CRACR2A: variants seen among roughly 807,000 people sequenced by gnomAD.
CRACR2A encodes EF-hand calcium-binding domain-containing protein 4B.
Under a neutral mutation model 90.5 loss-of-function variants are expected in CRACR2A, and 79 were observed. The ratio of observed to expected loss-of-function variants is 0.87; its 90% CI spans 0.73 to 1.05. The LOEUF (loss-of-function observed/expected upper bound fraction) is 1.05. Ranked by LOEUF, CRACR2A falls within the 50% of genes least tolerant of loss-of-function variation. CRACR2A has a pLI of 0.00. For missense variants in CRACR2A, 823 were observed against 897.2 expected (o/e 0.92, Z 1.06); for synonymous variants, 338 against 356.7 (o/e 0.95, Z 0.59).
rs1465524868 is a variant in CRACR2A, at chr12:3,638,191, G to A, written c.1535C>T (p.Ala512Val). 3 of 1,551,288 alleles carry A rather than the reference G, an allele frequency of 1.9e-6. No homozygotes were observed. Among genetic ancestry groups the A allele is most frequent in the South Asian group, 1.2e-5 (1 of 84,054 alleles). The change falls in exon 14 of 20, where the codon GCC becomes GTC. Residue 512 changes from alanine to valine, a missense_variant. Coordinates refer to ENST00000440314, the MANE Select transcript of CRACR2A (RefSeq NM_001144958.2). ...DQGVQGQIPE[A>V]PPLKLTPTSP... The stretch of plus-strand genomic sequence containing the variant: ...TGTGGGGGTGAGTTTCAAGGGTGGG[G>A]CCTCCGGGATTTGTCCCTGTACCCC...
chr12:3,639,092 G>A (rs1192477333), intron 13 of CRACR2A, among the ~76,000 whole-genome samples: 1 of 152,088 alleles, frequency 6.6e-6, no homozygotes, highest in Non-Finnish European at 1.5e-5. Flanking sequence ...CTTTGGGAGG[G>A]CCCCCCACCT....
At chr12:3,681,596 G>A (rs1183211987) in intron 4 of CRACR2A, among the ~76,000 whole-genome samples, 13 of 152,200 alleles carry the variant, frequency 8.5e-5, no homozygotes, top group African/African-American at 2.7e-4. Context: ...TATCTCAGCC[G>A]ATCCTCTCCC....
intron 1 of CRACR2A, among the ~76,000 whole-genome samples, chr12:3,744,569 G>C (rs1387852827): frequency 6.6e-6 from 1 of 152,212 alleles, no homozygotes; most frequent in Non-Finnish European, 1.5e-5. Context: ...AAGGGTGGGT[G>C]ATCATACTAC....
intron 3 of CRACR2A, among the ~76,000 whole-genome samples, chr12:3,708,627 G>C (rs562945216): frequency 6.6e-6 from 1 of 152,084 alleles, no homozygotes; most frequent in African/African-American, 2.4e-5. Flanking sequence ...GGGTTTCACC[G>C]TGTTAGCCAG....
chr12:3,717,141 A>G (rs1246652319), intron 2 of CRACR2A, among the ~76,000 whole-genome samples: 4 of 152,106 alleles, frequency 2.6e-5, no homozygotes, highest in Non-Finnish European at 5.9e-5. Context: ...TCTTCAGGAT[A>G]ATCCCATTTA....
intron 4 of CRACR2A, among the ~76,000 whole-genome samples, chr12:3,683,737 T>C (rs369858122): frequency 9.1e-4 from 139 of 152,352 alleles, no homozygotes; most frequent in African/African-American, 3.1e-3. Context: ...TTAGGCACTG[T>C]TGTGTCCCCA....
chr12:3,731,831 G>A (rs73033648), intron 2 of CRACR2A: 4,956 of 152,370 alleles, frequency 0.033, 105 homozygotes, highest in Middle Eastern at 0.061. Context: ...GATAAAGGCA[G>A]GGATTGGAGT....
intron 4 of CRACR2A, among the ~76,000 whole-genome samples, chr12:3,694,611 C>T (rs756750078): frequency 1.8e-4 from 28 of 152,092 alleles, no homozygotes; most frequent in Non-Finnish European, 3.2e-4. Flanking sequence ...CCAGGAGAAC[C>T]GGGGGGCATG....
At chr12:3,693,760 C>T (rs1346557343) in intron 4 of CRACR2A, among the ~76,000 whole-genome samples, 3 of 152,084 alleles carry the variant, frequency 2.0e-5, no homozygotes, top group African/African-American at 7.2e-5. Context: ...TCATTTCAGT[C>T]TTGGAGAATC....
At chr12:3,618,630 A>G (rs1363064700) in intron 18 of CRACR2A, among the ~76,000 whole-genome samples, 1 of 152,198 alleles carries the variant, frequency 6.6e-6, no homozygotes, top group African/African-American at 2.4e-5. Flanking sequence ...AGAATTACAG[A>G]ATCATGGGGC....
In CRACR2A at chr12:3,659,539, C is replaced by CCAAG. The variant is rs747055345; in HGVS notation, c.762+21_762+24dup. 4 of 1,610,310 alleles carry CCAAG rather than the reference C, an allele frequency of 2.5e-6. No individual in the cohort carries two copies. In the South Asian group the frequency reaches 4.4e-5, roughly 18 times the overall value. ...CAGATATGTCAAGCTGGCCTCAGAG[C>CCAAG]CAAGCCTGGGGAGCGTACACTTACC... On this transcript the variant is annotated intron_variant, in intron 8 of 19. Transcript: ENST00000440314.
chr12:3,676,583 C>G (rs559486688), intron 6 of CRACR2A, among the ~76,000 whole-genome samples: 1 of 152,298 alleles, frequency 6.6e-6, no homozygotes, highest in South Asian at 2.1e-4. Flanking sequence ...GCTCATTCAC[C>G]CTTCCTGCCA....
chr12:3,691,843 A>C (rs911172585), intron 4 of CRACR2A, among the ~76,000 whole-genome samples: 2 of 152,142 alleles, frequency 1.3e-5, no homozygotes. Flanking sequence ...TTATTCATTG[A>C]TTCTCATTCT....
chr12:3,653,063 A>T (rs546469857), intron 10 of CRACR2A, among the ~76,000 whole-genome samples: 1 of 150,732 alleles, frequency 6.6e-6, no homozygotes, highest in East Asian at 1.9e-4. Context: ...GCTCACTGTA[A>T]CCTCTGCCTC....
chr12:3,649,265 T>A (rs192522958), intron 10 of CRACR2A, among the ~76,000 whole-genome samples: 29 of 151,470 alleles, frequency 1.9e-4, no homozygotes, highest in African/African-American at 4.9e-4. Flanking sequence ...AATAAATAAA[T>A]AAAAAAGAGT....
chr12:3,649,384 C>T (rs879598603), intron 10 of CRACR2A, among the ~76,000 whole-genome samples: 82 of 152,208 alleles, frequency 5.4e-4, no homozygotes, highest in Middle Eastern at 3.4e-3. Flanking sequence ...TATTACCTTC[C>T]CTCCCATTCT....
intron 6 of CRACR2A, among the ~76,000 whole-genome samples, chr12:3,677,137 G>C (rs1163959065): frequency 6.6e-6 from 1 of 151,996 alleles, no homozygotes; most frequent in Admixed American, 6.6e-5. Flanking sequence ...GGATATGGGA[G>C]TATAGGCTAG....
Position 3,615,350 on chromosome 12 carries a change from C to A in CRACR2A, c.*5G>T. On this transcript the variant is annotated 3_prime_UTR_variant, in exon 20 of 20. Transcript: ENST00000440314. Reference sequence around the variant, plus strand: ...TTTGCTGGGGGCAGTCCTTGTAGGACCCTATCAGCCACAGCAGGATTTCTT... The same window carrying A: ...TTTGCTGGGGGCAGTCCTTGTAGGAACCTATCAGCCACAGCAGGATTTCTT... 3.2e-6 allele frequency: 5 copies of A among 1,551,344 alleles called. No homozygotes were observed. Among genetic ancestry groups the A allele is most frequent in the Non-Finnish European group, 4.4e-6 (5 of 1,146,714 alleles).
chr12:3,631,961 T>C (rs1944383601), intron 15 of CRACR2A, among the ~76,000 whole-genome samples: 1 of 152,146 alleles, frequency 6.6e-6, no homozygotes, highest in African/African-American at 2.4e-5. Flanking sequence ...GGTGCTGACG[T>C]AGTTTGGATT....
Sources: allele counts gnomAD v4.1 joint callset (sites outside exome capture counted in the v4.1 genomes callset), GRCh38; gene constraint gnomAD v4.1.1; transcripts MANE v1.5; gene names NCBI Gene and HGNC (gene_info 2026-07-23, HGNC 2026-07-21).